The following SPCS2 variants were observed in gnomAD, a reference collection of about 807,000 sequenced individuals.
The protein encoded by SPCS2 is signal peptidase complex subunit 2.
Under a neutral mutation model 22.3 loss-of-function variants are expected in SPCS2, and 3 were observed. The observed-to-expected ratio is 0.13, with a 90% CI of 0.06 to 0.35. The LOEUF (loss-of-function observed/expected upper bound fraction) is 0.35. Among genes scored for constraint, SPCS2 ranks in the 10% least tolerant of loss-of-function variants. SPCS2 has a pLI of 1.00. For synonymous variants in SPCS2, 67 were observed against 97.2 expected (o/e 0.69, Z 1.83); for missense variants, 169 against 280.9 (o/e 0.60, Z 2.85).
chr11:74,968,691 T>C (rs1366705842), intron 3 of SPCS2, among the ~76,000 whole-genome samples: 2 of 151,992 alleles, frequency 1.3e-5, no homozygotes, highest in Non-Finnish European at 2.9e-5. Context: ...CCCAGCTAAT[T>C]TTTGTATTTT....
intron 4 of SPCS2, among the ~76,000 whole-genome samples, chr11:74,971,517 C>T (rs765414031): frequency 2.0e-5 from 3 of 152,102 alleles, no homozygotes; most frequent in Non-Finnish European, 2.9e-5. Flanking sequence ...TACCAACTGC[C>T]GTATTGTTGG....
chr11:74,957,244 T>C (rs1178697373), intron 1 of SPCS2, among the ~76,000 whole-genome samples: 2 of 152,174 alleles, frequency 1.3e-5, no homozygotes, highest in East Asian at 1.9e-4. Context: ...ATTTTTTTCT[T>C]TTAAAAGAAT....
chr11:74,970,060 A>G (rs537789578), intron 4 of SPCS2, among the ~76,000 whole-genome samples: 6 of 152,336 alleles, frequency 3.9e-5, no homozygotes, highest in African/African-American at 1.2e-4. Context: ...CCACGAATAC[A>G]ATCAAGAATA....
chr11:74,969,748 G>A, intron 4 of SPCS2, 49 bp downstream of exon 4: 2 of 1,609,564 alleles, frequency 1.2e-6, no homozygotes, highest in African/African-American at 1.3e-5. Context: ...GATTTGCCCT[G>A]GCATGTTGTC....
intron 4 of SPCS2, among the ~76,000 whole-genome samples, chr11:74,972,489 A>G (rs555914479): frequency 6.6e-6 from 1 of 152,252 alleles, no homozygotes; most frequent in South Asian, 2.1e-4. Flanking sequence ...CTCCTTTACC[A>G]TTCACTATAC....
At chr11:74,970,992 C>T (rs1232550269) in intron 4 of SPCS2, among the ~76,000 whole-genome samples, 2 of 152,050 alleles carry the variant, frequency 1.3e-5, no homozygotes, top group Non-Finnish European at 1.5e-5. Flanking sequence ...AAAAAAAAAC[C>T]TCTGTACTCT....
At chr11:74,966,001 A>C (rs1948543103) in intron 3 of SPCS2, 78 bp downstream of exon 3, 7 of 1,372,952 alleles carry the variant, frequency 5.1e-6, no homozygotes, top group Non-Finnish European at 7.0e-6. Context: ...TACAAAAAAC[A>C]AAACGGACTT....
intron 4 of SPCS2, among the ~76,000 whole-genome samples, chr11:74,970,837 T>C (rs1397444637): frequency 6.6e-6 from 1 of 152,362 alleles, no homozygotes; most frequent in African/African-American, 2.4e-5. Flanking sequence ...TTCTGACTTT[T>C]GTATTTTTTA....
intron 1 of SPCS2, among the ~76,000 whole-genome samples, chr11:74,964,424 A>G (rs776901876): frequency 1.3e-5 from 2 of 152,204 alleles, no homozygotes; most frequent in Non-Finnish European, 1.5e-5. Context: ...CTTGGTTTGT[A>G]ATTTAAAATG....
chr11:74,975,601 C>G (rs918054033), intron 4 of SPCS2, among the ~76,000 whole-genome samples: 14 of 152,192 alleles, frequency 9.2e-5, no homozygotes, highest in African/African-American at 3.4e-4. Flanking sequence ...CTAAAAATTA[C>G]TGTGATATCA....
At chr11:74,955,848 TAAAA>T (rs1948474700) in intron 1 of SPCS2, among the ~76,000 whole-genome samples, 2 of 37,080 alleles carry the variant, frequency 5.4e-5, no homozygotes, top group African/African-American at 1.4e-4. Flanking sequence ...AATTACTAAT[TAAAA>T]TATATATATA....
chr11:74,963,346 T>C (rs1948524908), intron 1 of SPCS2, among the ~76,000 whole-genome samples: 1 of 152,198 alleles, frequency 6.6e-6, no homozygotes, highest in African/African-American at 2.4e-5. Context: ...AAAAACTTGA[T>C]TGACTTTTAA....
At chr11:74,974,736 T>A (rs1174863218) in intron 4 of SPCS2, among the ~76,000 whole-genome samples, 1 of 152,174 alleles carries the variant, frequency 6.6e-6, no homozygotes, top group Non-Finnish European at 1.5e-5. Context: ...TGCCTCAGCC[T>A]CCCAAATAGC....
intron 1 of SPCS2, among the ~76,000 whole-genome samples, chr11:74,962,103 A>G (rs542667874): frequency 3.6e-4 from 55 of 152,328 alleles, no homozygotes; most frequent in African/African-American, 1.2e-3. Context: ...TAGTGCTGCA[A>G]TAAAAAGATG....
At position 74,965,954 on chromosome 11, in the gene SPCS2, T is replaced by C. The variant is rs761269393; in HGVS notation, c.359+31T>C. On this transcript the variant is annotated intron_variant, in intron 3 of 4. Transcript: ENST00000263672. ...CTTTATTTATGCTCAGGTTGTTTTC[T>C]AGTGACTATTTTTTTAAATCTGCTG... The C allele has an allele frequency of 1.3e-5, 21 of 1,566,744 alleles. No homozygotes were observed. In the East Asian group the frequency reaches 4.8e-4, roughly 35 times the overall value.
chr11:74,956,483 G>A (rs1481119921), intron 1 of SPCS2, among the ~76,000 whole-genome samples: 1 of 152,114 alleles, frequency 6.6e-6, no homozygotes, highest in Non-Finnish European at 1.5e-5. Flanking sequence ...AAACCTGAGA[G>A]TTACCCTTGA....
At position 74,951,939 on chromosome 11, in the gene SPCS2, C is replaced by A. The variant is rs2140212626; in HGVS notation, c.114+2540C>A. 1.3e-5 allele frequency among the ~76,000 whole-genome samples: 2 copies of A among 151,588 alleles called. 1 individual carries two copies. The highest frequency in any genetic ancestry group is 4.8e-5 in the African/African-American group (2 of 41,344). On this transcript the variant is annotated intron_variant, in intron 1 of 4. Transcript: ENST00000263672. ...AAAAAAGTCTCCTTGAGTAAAGTTA[C>A]ACAGATGTGATGGTGTTTTATGTTT... is the stretch of plus-strand genomic sequence containing the variant.
intron 1 of SPCS2, among the ~76,000 whole-genome samples, chr11:74,961,532 GT>G (rs1301986900): frequency 6.9e-5 from 10 of 144,976 alleles, no homozygotes; most frequent in African/African-American, 2.7e-4. Context: ...TGTTGTTGTT[GT>G]TTGTTTGTTT....
intron 1 of SPCS2, among the ~76,000 whole-genome samples, chr11:74,951,721 A>G (rs962414778): frequency 6.7e-6 from 1 of 149,446 alleles, no homozygotes; most frequent in Admixed American, 6.7e-5. Context: ...GAGGCAGGAG[A>G]ATCGCTTGAA....
Sources: gnomAD v4.1 joint callset for allele counts (sites outside exome capture counted in the v4.1 genomes callset) on GRCh38, gnomAD v4.1.1 for gene constraint, MANE v1.5 for transcripts, NCBI Gene and HGNC (gene_info 2026-07-23, HGNC 2026-07-21) for gene names.